ERAP2: variants seen among roughly 807,000 people sequenced by gnomAD.
ERAP2 encodes endoplasmic reticulum aminopeptidase 2, also known as leukocyte-derived arginine aminopeptidase.
Under a neutral mutation model 111.1 loss-of-function variants are expected in ERAP2, and 118 were observed. That is an observed-to-expected ratio of 1.06 (90% CI 0.92 to 1.24). The LOEUF is 1.24. Ranked by LOEUF, ERAP2 falls within the 50% of genes most tolerant of loss-of-function variation. The pLI is 0.00. For missense variants in ERAP2, 1,131 were observed against 1,125.8 expected (o/e 1.00, Z -0.07); for synonymous variants, 410 against 401.2 (o/e 1.02, Z -0.26).
intron 13 of ERAP2, among the ~76,000 whole-genome samples, chr5:96,908,429 T>C (rs1397367506): frequency 6.6e-6 from 1 of 152,236 alleles, no homozygotes. Context: ...ATGAAAATAC[T>C]TGTTTTGTCC....
chr5:96,912,554 G>A, intron 15 of ERAP2, 83 bp from the exon 16 acceptor site: 1 of 944,226 alleles, frequency 1.1e-6, no homozygotes, highest in Non-Finnish European at 1.6e-6. Context: ...AGAGATTATT[G>A]TGTTATAGGA....
Position 96,879,630 on chromosome 5 carries a change from A to C in ERAP2, c.-56A>C. 6.9e-7 allele frequency: 1 copy of C among 1,457,780 alleles called. No individual in the cohort carries two copies. 90.3% of individuals were successfully genotyped at this position (1,457,780 alleles called of 1,614,324 possible). On this transcript the variant is annotated 5_prime_UTR_variant, in exon 2 of 19. An upstream start codon of the reference 5' UTR is lost. Transcript: ENST00000437043. ...ACATAACTGGAGCCAGTGCAGTGCC[A>C]TGAAGAACTACGAGATTAGCCTGGA...
intron 13 of ERAP2, among the ~76,000 whole-genome samples, chr5:96,904,907 T>C: frequency 6.6e-6 from 1 of 152,212 alleles, no homozygotes; most frequent in East Asian, 1.9e-4. Flanking sequence ...AGAATACAAA[T>C]TTTATATGAA....
At position 96,902,360 on chromosome 5, in the gene ERAP2, A is replaced by G. The variant is rs760645969; in HGVS notation, c.1828+7A>G. On this transcript the variant is annotated splice_region_variant and intron_variant, in intron 12 of 18. Transcript: ENST00000437043. ...ATTCTAAAATCAAAGACAGGTAATG[A>G]ACTAATTAGCCAAACAGGTATTTCA... 1.9e-6 allele frequency: 3 copies of G among 1,584,222 alleles called. No homozygotes were observed. In the Admixed American group the frequency reaches 5.0e-5, roughly 26 times the overall value.
rs1787610975 is a variant in ERAP2 at position 96,917,914 on chromosome 5, A to G, written c.*309A>G. 1 of 159,836 alleles carries G rather than the reference A, an allele frequency of 6.3e-6. No homozygotes were observed. The highest frequency in any genetic ancestry group is 1.9e-4 in the South Asian group (1 of 5,312). The allele number at this position is 159,836 out of a possible 1,614,324, so 9.9% of individuals were successfully genotyped here. A position where few individuals can be genotyped will look rare whatever the true frequency, so the allele number is the denominator to read the frequency against. ...GAGCGAGACTCTGTCTCAAAAAAAA[A>G]AAAAAAAAAAAAAAGAAAAAGAAAA... On this transcript the variant is annotated 3_prime_UTR_variant, in exon 19 of 19. Coordinates refer to ENST00000437043, the MANE Select transcript of ERAP2 (RefSeq NM_022350.5).
At chr5:96,888,634 G>A (rs1320283086) in intron 4 of ERAP2, among the ~76,000 whole-genome samples, 2 of 152,160 alleles carry the variant, frequency 1.3e-5, no homozygotes, top group African/African-American at 4.8e-5. Context: ...CTCTATACTT[G>A]GAAGGCAAGA....
In ERAP2 at chr5:96,886,797, T is replaced by G; in HGVS notation, c.849+8T>G. The G allele has an allele frequency of 6.7e-7, 1 of 1,482,772 alleles. No homozygotes were observed. Among genetic ancestry groups the G allele is most frequent in the Non-Finnish European group, 9.1e-7 (1 of 1,095,280 alleles). The allele number at this position is 1,482,772 out of a possible 1,614,324, so 91.9% of individuals were successfully genotyped here. ...ACTTCATCAGGGGTCAAGGTGAGAC[T>G]GAGTTCTAACGTTCTACGCAGTGCA... On this transcript the variant is annotated splice_region_variant and intron_variant, in intron 4 of 18. Coordinates refer to ENST00000437043, the MANE Select transcript of ERAP2 (RefSeq NM_022350.5).
At position 96,909,670 on chromosome 5, in the gene ERAP2, C is replaced by T. The variant is rs773719755; in HGVS notation, c.2260C>T (p.Leu754Phe). 2.5e-6 allele frequency: 4 copies of T among 1,614,196 alleles called. No homozygotes were observed. The African/African-American group carries it at 4.0e-5, about 16-fold the overall frequency. The change falls in exon 15 of 19, where the codon CTC (leucine) becomes TTC (phenylalanine). Residue 754 changes from leucine (L) to phenylalanine (F), a missense_variant. This residue lies in a region of ERAP2 where 279 missense variants were observed against 250.9 expected (regional missense o/e 1.11). Coordinates refer to ENST00000437043, the MANE Select transcript of ERAP2 (RefSeq NM_022350.5). The stretch of plus-strand genomic sequence containing the variant: ...CTGGGACAGGATGCTCCGCTCGGCT[C>T]TCTTGAAGCTGGCCTGTGACCTGAA... ...SVWDRMLRSALLKLACDLNHA... is the reference protein window; with the variant it reads ...SVWDRMLRSAFLKLACDLNHA...
chr5:96,896,532 C>T (rs369266572), intron 8 of ERAP2, 28 bp downstream of exon 8: 1 of 1,573,838 alleles, frequency 6.4e-7, no homozygotes. Context: ...CAGGTGGAAG[C>T]TCTGCTTTCA....
At chr5:96,892,535 T>C (rs1784487240) in intron 6 of ERAP2, 82 bp downstream of exon 6, 1 of 1,522,958 alleles carries the variant, frequency 6.6e-7, no homozygotes, top group Non-Finnish European at 9.0e-7. Flanking sequence ...TGAAACAAAA[T>C]AAATCATCTC....
chr5:96,909,190 TTG>T, intron 14 of ERAP2, 73 bp downstream of exon 14: 1 of 1,454,398 alleles, frequency 6.9e-7, no homozygotes, highest in Non-Finnish European at 9.6e-7. Context: ...TCAGTTTGTT[TTG>T]TGTGAAGTCC....
At chr5:96,884,158 C>A (rs1052511867) in intron 3 of ERAP2, among the ~76,000 whole-genome samples, 6 of 151,312 alleles carry the variant, frequency 4.0e-5, no homozygotes, top group African/African-American at 1.2e-4. Context: ...TTTTTTTTCC[C>A]AAGCAAAGTG....
rs1786177145 is a variant in ERAP2, at chr5:96,907,098, A to AAAGGT, written c.2013-1861_2013-1857dup. 2.0e-5 allele frequency among the ~76,000 whole-genome samples: 3 copies of AAAGGT among 152,328 alleles called. 1 individual carries two copies. The South Asian group carries it at 6.2e-4, about 32-fold the overall frequency. Reference sequence around the variant, plus strand: ...CTTCAAGAATATGATGTTATTTCTCAAAGGTACAATCTAGCTGAAATCATA... The same window carrying AAAGGT: ...CTTCAAGAATATGATGTTATTTCTCAAAGGTAAGGTACAATCTAGCTGAAATCATA... On this transcript the variant is annotated intron_variant, in intron 13 of 18. Coordinates refer to ENST00000437043, the MANE Select transcript of ERAP2 (RefSeq NM_022350.5).
chr5:96,899,286 A>ACT (rs1388787010), intron 9 of ERAP2, among the ~76,000 whole-genome samples: 3 of 152,152 alleles, frequency 2.0e-5, no homozygotes, highest in Non-Finnish European at 4.4e-5. Flanking sequence ...GTTTTAAGAA[A>ACT]AGTCCCCCAT....
At chr5:96,889,081 T>C in intron 4 of ERAP2, 104 bp from the exon 5 acceptor site, 6 of 1,359,478 alleles carry the variant, frequency 4.4e-6, no homozygotes, top group Non-Finnish European at 6.1e-6. Context: ...CTTAATACTT[T>C]CTTGAAAAGA....
At position 96,879,807 on chromosome 5, in the gene ERAP2, C is replaced by T. The variant is rs1287533062; in HGVS notation, c.122C>T (p.Pro41Leu). Reference sequence around the variant, plus strand: ...TGCATTTGTTCTCAGTTCTCAGTGCCATCTAGTTATCACTTCACTGAGGAT... The same window carrying T: ...TGCATTTGTTCTCAGTTCTCAGTGCTATCTAGTTATCACTTCACTGAGGAT... ...QICICSQFSV[P>L]SSYHFTEDPG... The change falls in exon 2 of 19, where the codon CCA becomes CTA. Residue 41 changes from proline (P) to leucine (L), a missense_variant. Pro to Leu is a moderately conservative substitution (Grantham distance 98). This residue lies in a region of ERAP2 where 847 missense variants were observed against 856.5 expected (regional missense o/e 0.99). Coordinates refer to ENST00000437043, the MANE Select transcript of ERAP2 (RefSeq NM_022350.5). 6.2e-7 allele frequency: 1 copy of T among 1,614,034 alleles called. No individual in the cohort carries two copies. Among genetic ancestry groups the T allele is most frequent in the Non-Finnish European group, 8.5e-7 (1 of 1,180,008 alleles).
At chr5:96,907,715 C>G (rs556444746) in intron 13 of ERAP2, among the ~76,000 whole-genome samples, 11 of 152,128 alleles carry the variant, frequency 7.2e-5, no homozygotes, top group African/African-American at 2.7e-4. Flanking sequence ...AATCCCGTCT[C>G]TACTAATACT....
intron 1 of ERAP2, among the ~76,000 whole-genome samples, chr5:96,878,921 G>A (rs372449990): frequency 6.6e-5 from 10 of 152,046 alleles, no homozygotes; most frequent in African/African-American, 1.9e-4. Context: ...GCGAGATTCC[G>A]TCTCAAAAAC....
rs1561373456 is a variant in ERAP2, at chr5:96,892,355, A to C, written c.1027A>C (p.Thr343Pro). ...PGAMENWGLI[T>P]YRETSLLFDP... ...AGCCATGGAAAATTGGGGCCTCATT[A>C]CATATAGGGAGACGTCACTGCTTTT... The change falls in exon 6 of 19, where the codon ACA becomes CCA. Residue 343 changes from threonine to proline, a missense_variant. Thr to Pro is a conservative substitution (Grantham distance 38). Transcript: ENST00000437043. 1.9e-6 allele frequency: 3 copies of C among 1,613,934 alleles called. No individual in the cohort carries two copies. Among genetic ancestry groups the C allele is most frequent in the Admixed American group, 1.7e-5 (1 of 59,992 alleles).
Sources: allele counts gnomAD v4.1 joint callset (sites outside exome capture counted in the v4.1 genomes callset), GRCh38; gene constraint gnomAD v4.1.1; regional missense constraint gnomAD v4.1.1; transcripts MANE v1.5; gene names NCBI Gene and HGNC (gene_info 2026-07-23, HGNC 2026-07-21).